The following HDAC9 variants were observed in gnomAD, a reference collection of about 807,000 sequenced individuals.
HDAC9 encodes histone deacetylase 9, also known as MEF-2 interacting transcription repressor (MITR) protein.
Under a neutral mutation model 139.4 loss-of-function variants are expected in HDAC9, and 41 were observed. The ratio of observed to expected loss-of-function variants is 0.29; its 90% CI spans 0.23 to 0.38. HDAC9 has a LOEUF of 0.38. Ranked by LOEUF, HDAC9 falls within the 10% of genes least tolerant of loss-of-function variation. The probability of loss-of-function intolerance (pLI) is 1.00; values close to 1 mark genes in which losing one functional copy is unlikely to be tolerated. For missense variants in HDAC9, 1,147 were observed against 1,297.0 expected (o/e 0.88, Z 1.78); for synonymous variants, 517 against 476.2 (o/e 1.09, Z -1.12).
chr7:18,452,429 G>A (rs935323659), intron 1 of HDAC9, among the ~76,000 whole-genome samples: 3 of 152,202 alleles, frequency 2.0e-5, no homozygotes, highest in Admixed American at 6.5e-5. Flanking sequence ...ACAACCTGGA[G>A]TGTGGGCTTG....
rs1786450337 is a variant in HDAC9 at position 18,996,140 on chromosome 7, C to T, written c.*78C>T. ...CCCACCCCAGTACCCTCAGACATGT[C>T]TTGTCTGCTGCCTGGGTGGCACAGA... On this transcript the variant is annotated 3_prime_UTR_variant, in exon 26 of 26. Coordinates refer to ENST00000686413, the MANE Select transcript of HDAC9 (RefSeq NM_178425.4). 6 of 1,078,394 alleles carry T rather than the reference C, an allele frequency of 5.6e-6. No individual in the cohort carries two copies. Among genetic ancestry groups the T allele is most frequent in the Non-Finnish European group, 8.3e-6 (6 of 721,692 alleles). The allele number at this position is 1,078,394 out of a possible 1,614,324, so 66.8% of individuals were successfully genotyped here. A position where few individuals can be genotyped will look rare whatever the true frequency, so the allele number is the denominator to read the frequency against.
intron 1 of HDAC9, among the ~76,000 whole-genome samples, chr7:18,308,246 G>A (rs1016960570): frequency 2.6e-5 from 4 of 152,186 alleles, no homozygotes; most frequent in Admixed American, 6.5e-5. Flanking sequence ...ATTAAAATGT[G>A]AAATTTGCAA....
chr7:18,384,414 C>A (rs1393505444), intron 1 of HDAC9, among the ~76,000 whole-genome samples: 1 of 152,062 alleles, frequency 6.6e-6, no homozygotes, highest in African/African-American at 2.4e-5. Context: ...TGAGATATTA[C>A]AGGTTATTTT....
chr7:18,887,868 C>A (rs1213199791), intron 22 of HDAC9, among the ~76,000 whole-genome samples: 1 of 152,018 alleles, frequency 6.6e-6, no homozygotes, highest in Non-Finnish European at 1.5e-5. Flanking sequence ...TAGACTTGTC[C>A]CATGCAACGC....
intron 1 of HDAC9, among the ~76,000 whole-genome samples, chr7:18,348,939 GA>G (rs761237167): frequency 5.9e-5 from 9 of 152,066 alleles, no homozygotes; most frequent in Non-Finnish European, 1.2e-4. Flanking sequence ...CTCAGTAATT[GA>G]GACAGCATCT....
chr7:18,995,778 G>C (rs1786416420), intron 25 of HDAC9, among the ~76,000 whole-genome samples: 1 of 152,132 alleles, frequency 6.6e-6, no homozygotes. Context: ...GGAATCTAGA[G>C]TTATAAAATA....
At chr7:18,986,787 A>T (rs1038012720) in intron 25 of HDAC9, among the ~76,000 whole-genome samples, 1 of 152,028 alleles carries the variant, frequency 6.6e-6, no homozygotes, top group Non-Finnish European at 1.5e-5. Context: ...GGTCCTTCAC[A>T]TCCCTTGTAA....
At chr7:18,674,147 A>C (rs1035036260) in intron 12 of HDAC9, among the ~76,000 whole-genome samples, 3 of 151,874 alleles carry the variant, frequency 2.0e-5, no homozygotes, top group Non-Finnish European at 4.4e-5. Context: ...CTGATTTCAC[A>C]TCATCATATT....
intron 25 of HDAC9, among the ~76,000 whole-genome samples, chr7:18,989,498 A>AT (rs1785677509): frequency 6.7e-6 from 1 of 149,258 alleles, no homozygotes; most frequent in Non-Finnish European, 1.5e-5. Context: ...TTTTTCCTTC[A>AT]TTTCAACTTT....
intron 6 of HDAC9, among the ~76,000 whole-genome samples, chr7:18,613,225 T>C (rs764305102): frequency 6.6e-5 from 10 of 151,774 alleles, no homozygotes; most frequent in Admixed American, 1.3e-4. Flanking sequence ...TCCATTAGTT[T>C]TGTCATTTTT....
At chr7:18,704,083 T>C (rs928394318) in intron 12 of HDAC9, among the ~76,000 whole-genome samples, 3 of 152,194 alleles carry the variant, frequency 2.0e-5, no homozygotes, top group South Asian at 2.1e-4. Context: ...GCTACTACCA[T>C]GTAACTGGCA....
chr7:18,909,798 C>A (rs1053909667), intron 22 of HDAC9, among the ~76,000 whole-genome samples: 2 of 151,966 alleles, frequency 1.3e-5, no homozygotes, highest in African/African-American at 4.8e-5. Context: ...GTCCTCTCTT[C>A]TATTCCACTG....
intron 5 of HDAC9, among the ~76,000 whole-genome samples, 167 bp from the exon 6 acceptor site, chr7:18,593,741 A>T (rs1173202020): frequency 6.6e-6 from 1 of 152,138 alleles, no homozygotes; most frequent in Non-Finnish European, 1.5e-5. Context: ...ATTCCATAGC[A>T]TACTGCTACA....
chr7:18,607,373 C>T (rs1239534059), intron 6 of HDAC9, among the ~76,000 whole-genome samples: 1 of 152,218 alleles, frequency 6.6e-6, no homozygotes, highest in Non-Finnish European at 1.5e-5. Flanking sequence ...AGAATTCTAG[C>T]TTGGCACTTT....
chr7:18,819,938 AAG>A, intron 17 of HDAC9, among the ~76,000 whole-genome samples: 1 of 152,186 alleles, frequency 6.6e-6, no homozygotes, highest in African/African-American at 2.4e-5. Context: ...ATAAAATATA[AAG>A]CAAAGAGTTT....
intron 24 of HDAC9, among the ~76,000 whole-genome samples, chr7:18,973,464 C>T (rs1416926197): frequency 6.6e-6 from 1 of 152,172 alleles, no homozygotes; most frequent in Admixed American, 6.5e-5. Flanking sequence ...GGTAATACTA[C>T]AATAACATTA....
At chr7:18,995,968 A>C (rs953652646) in intron 25 of HDAC9, 55 bp from the exon 26 acceptor site, 25 of 1,362,678 alleles carry the variant, frequency 1.8e-5, no homozygotes, top group African/African-American at 8.6e-5. Context: ...ATGAAAATCT[A>C]CAATGTCATT....
At chr7:18,749,964 A>G (rs1356866311) in intron 14 of HDAC9, among the ~76,000 whole-genome samples, 1 of 152,212 alleles carries the variant, frequency 6.6e-6, no homozygotes, top group African/African-American at 2.4e-5. Flanking sequence ...GGTTCTAAAC[A>G]TGATTCAAGT....
At chr7:18,653,106 T>G (rs1789891887) in intron 11 of HDAC9, among the ~76,000 whole-genome samples, 1 of 151,620 alleles carries the variant, frequency 6.6e-6, no homozygotes, top group Admixed American at 6.6e-5. Flanking sequence ...GGCGTGGTGG[T>G]GCATGCCTGT....
Sources: allele counts gnomAD v4.1 joint callset (sites outside exome capture counted in the v4.1 genomes callset), GRCh38; gene constraint gnomAD v4.1.1; transcripts MANE v1.5; gene names NCBI Gene and HGNC (gene_info 2026-07-23, HGNC 2026-07-21).